The following FTO variants were observed in gnomAD, a reference collection of about 807,000 sequenced individuals.
FTO encodes the protein alpha-ketoglutarate-dependent dioxygenase FTO.
FTO carries 47 observed loss-of-function variants against 63.9 expected under a neutral mutation model. The observed-to-expected ratio is 0.74, with a 90% confidence interval of 0.58 to 0.94. The LOEUF (loss-of-function observed/expected upper bound fraction) is 0.94. Among genes scored for constraint, FTO ranks in the 40% least tolerant of loss-of-function variants. The pLI, the probability that FTO is intolerant of heterozygous loss-of-function variation, is 0.00. For synonymous variants in FTO, 207 were observed against 224.4 expected, an observed-to-expected ratio of 0.92 and a Z score of 0.69; for missense variants, 562 against 618.1, an observed-to-expected ratio of 0.91 and a Z score of 0.96.
intron 7 of FTO, 43 bp from the exon 8 acceptor site, chr16:53,933,942 A>T (rs1047641687): frequency 2.3e-5 from 36 of 1,599,396 alleles, no homozygotes; most frequent in Non-Finnish European, 2.7e-5. Context: ...TTTATTATTA[A>T]TTTTTCACTT....
intron 7 of FTO, among the ~76,000 whole-genome samples, chr16:53,929,249 C>G (rs940601482): frequency 1.4e-4 from 22 of 152,268 alleles, no homozygotes; most frequent in African/African-American, 5.3e-4. Context: ...CAACCGAATC[C>G]CTAGCAACCA....
chr16:54,071,443 C>G (rs2085866876), intron 8 of FTO: 1 of 152,168 alleles, frequency 6.6e-6, no homozygotes, highest in Non-Finnish European at 1.5e-5. Context: ...TTAGGGCATG[C>G]ATGTCTGAAC....
At chr16:54,064,981 G>T (rs934017170) in intron 8 of FTO, among the ~76,000 whole-genome samples, 2 of 152,056 alleles carry the variant, frequency 1.3e-5, no homozygotes, top group African/African-American at 4.8e-5. Context: ...ATTCTGATGT[G>T]CAAGGATGCT....
intron 8 of FTO, among the ~76,000 whole-genome samples, chr16:54,101,547 C>T (rs1035758439): frequency 1.2e-4 from 19 of 152,098 alleles, no homozygotes; most frequent in Middle Eastern, 6.8e-3. Context: ...TGTATATTTT[C>T]TTTATTTAAT....
At chr16:53,838,236 A>G (rs189788812) in intron 3 of FTO, among the ~76,000 whole-genome samples, 2 of 152,350 alleles carry the variant, frequency 1.3e-5, no homozygotes, top group African/African-American at 4.8e-5. Context: ...GATCTGTGAC[A>G]TGGATAGCAA....
intron 1 of FTO, among the ~76,000 whole-genome samples, chr16:53,791,954 T>C (rs970213702): frequency 3.8e-4 from 58 of 151,960 alleles, no homozygotes; most frequent in Non-Finnish European, 1.5e-4. Flanking sequence ...CGGGCGCCTG[T>C]AGTCCCAGCT....
At chr16:53,892,625 G>A (rs966373286) in intron 7 of FTO, among the ~76,000 whole-genome samples, 13 of 152,098 alleles carry the variant, frequency 8.5e-5, no homozygotes, top group African/African-American at 2.9e-4. Flanking sequence ...TGTTGTGGAA[G>A]GATTTCTTTA....
chr16:53,719,253 CTTTTTTTTTT>C (rs10527186), intron 1 of FTO, among the ~76,000 whole-genome samples: 11 of 135,700 alleles, frequency 8.1e-5, no homozygotes, highest in East Asian at 5.2e-4. Context: ...TCTTCTTCTT[CTTTTTTTTTT>C]TTTTTTTTTT....
intron 1 of FTO, among the ~76,000 whole-genome samples, chr16:53,719,966 G>A (rs923708315): frequency 2.6e-5 from 4 of 151,590 alleles, no homozygotes; most frequent in Non-Finnish European, 5.9e-5. Flanking sequence ...CCCAATGTCC[G>A]CAGAGTCTTG....
At chr16:53,972,749 C>T (rs575009085) in intron 8 of FTO, among the ~76,000 whole-genome samples, 41 of 152,310 alleles carry the variant, frequency 2.7e-4, no homozygotes, top group Admixed American at 1.4e-3. Flanking sequence ...CCATCCCTCT[C>T]AGCTAGTGTT....
chr16:53,861,485 G>A (rs187855693), intron 4 of FTO, among the ~76,000 whole-genome samples: 5 of 152,132 alleles, frequency 3.3e-5, no homozygotes, highest in East Asian at 3.9e-4. Flanking sequence ...TTGGCTGATC[G>A]TATTTTGCTC....
At chr16:53,982,069 G>A (rs1440977540) in intron 8 of FTO, among the ~76,000 whole-genome samples, 5 of 151,406 alleles carry the variant, frequency 3.3e-5, no homozygotes, top group African/African-American at 1.2e-4. Flanking sequence ...GACAGAGCGA[G>A]ACTCTGTTAA....
At chr16:53,989,796 C>T (rs922783939) in intron 8 of FTO, among the ~76,000 whole-genome samples, 1 of 152,102 alleles carries the variant, frequency 6.6e-6, no homozygotes, top group African/African-American at 2.4e-5. Context: ...TCTTCTGCCT[C>T]TGCCACCTCC....
intron 1 of FTO, among the ~76,000 whole-genome samples, chr16:53,745,863 C>T (rs1485132560): frequency 6.6e-6 from 1 of 152,166 alleles, no homozygotes; most frequent in African/African-American, 2.4e-5. Context: ...TTGTTCATTT[C>T]TGTTGCTCTG....
chr16:53,840,909 T>A (rs2079454936), intron 3 of FTO, among the ~76,000 whole-genome samples: 1 of 151,896 alleles, frequency 6.6e-6, no homozygotes, highest in South Asian at 2.1e-4. Context: ...TTAGGCAAAG[T>A]CCTTTTATCA....
intron 1 of FTO, among the ~76,000 whole-genome samples, chr16:53,731,829 G>T (rs1387359776): frequency 6.7e-6 from 1 of 149,014 alleles, no homozygotes; most frequent in African/African-American, 2.5e-5. Flanking sequence ...CTCACTGCAA[G>T]CTCCTCCTCC....
At chr16:53,812,706 G>T (rs965723977) in intron 2 of FTO, among the ~76,000 whole-genome samples, 1 of 152,012 alleles carries the variant, frequency 6.6e-6, no homozygotes, top group Non-Finnish European at 1.5e-5. Context: ...TTCTACACAC[G>T]TACACACTTC....
At chr16:54,023,083 T>G (rs1428713142) in intron 8 of FTO, among the ~76,000 whole-genome samples, 3 of 152,242 alleles carry the variant, frequency 2.0e-5, no homozygotes, top group Non-Finnish European at 2.9e-5. Context: ...ATATGCAGTT[T>G]GCACATTGGT....
intron 1 of FTO, among the ~76,000 whole-genome samples, chr16:53,773,469 C>G (rs1177207152): frequency 6.6e-6 from 1 of 152,118 alleles, no homozygotes; most frequent in Non-Finnish European, 1.5e-5. Context: ...CCTCTCCACC[C>G]TAGGCAGCTA....
Sources: allele counts gnomAD v4.1 joint callset (sites outside exome capture counted in the v4.1 genomes callset), GRCh38; gene constraint gnomAD v4.1.1; transcripts MANE v1.5; gene names NCBI Gene and HGNC (gene_info 2026-07-23, HGNC 2026-07-21).